The following SCARB2 variants were observed in gnomAD, a reference collection of about 807,000 sequenced individuals.
The protein encoded by SCARB2 is scavenger receptor class B member 2, also known as lysosome membrane protein 2.
SCARB2 carries 29 observed loss-of-function variants against 58.6 expected under a neutral mutation model. The ratio of observed to expected loss-of-function variants is 0.49; its 90% CI spans 0.37 to 0.67. The LOEUF (loss-of-function observed/expected upper bound fraction) is 0.67, where lower values mean the gene tolerates loss of function less well. SCARB2 is among the 30% of genes least tolerant of loss of function. SCARB2 has a pLI of 0.00. For synonymous variants in SCARB2, 195 were observed against 210.1 expected (o/e 0.93, Z 0.62); for missense variants, 488 against 578.5 (o/e 0.84, Z 1.60).
chr4:76,166,409 T>A (rs536397861), intron 9 of SCARB2, 108 bp from the exon 10 acceptor site: 1 of 1,183,790 alleles, frequency 8.4e-7, no homozygotes, highest in East Asian at 2.3e-5. Context: ...ATTTCTTAAA[T>A]TACCCAGAAT....
chr4:76,228,645 A>G (rs1159227671), intron 1 of SCARB2, among the ~76,000 whole-genome samples: 1 of 152,106 alleles, frequency 6.6e-6, no homozygotes, highest in Non-Finnish European at 1.5e-5. Flanking sequence ...TTGGCTGCCA[A>G]TTATTTTGCT....
Position 76,213,620 on chromosome 4 carries a change from A to T in SCARB2, c.-77T>A. On this transcript the variant is annotated 5_prime_UTR_variant, in exon 1 of 12. Transcript: ENST00000264896. ...TGCAAGGAGGGAGGAGCCGCCGCAG[A>T]GGCGTCGAAGACCCGGGACCCTTCG... 1.7e-6 allele frequency: 2 copies of T among 1,201,920 alleles called. No individual in the cohort carries two copies. Among genetic ancestry groups the T allele is most frequent in the Middle Eastern group, 2.4e-4 (1 of 4,214 alleles). 74.5% of individuals were successfully genotyped at this position (1,201,920 alleles called of 1,614,324 possible).
chr4:76,160,825 A>G lies in SCARB2; in HGVS notation c.*888T>C, dbSNP rs1329734596. The G allele has an allele frequency of 3.9e-5, 6 of 152,148 alleles. No homozygotes were observed. Among genetic ancestry groups the G allele is most frequent in the Non-Finnish European group, 8.8e-5 (6 of 68,034 alleles). 9.4% of individuals were successfully genotyped at this position (152,148 alleles called of 1,614,324 possible). A position where few individuals can be genotyped will look rare whatever the true frequency, so the allele number is the denominator to read the frequency against. ...ATATTAGATTAATTAATACAGTAAC[A>G]TATTTGGCAAGGGCGACTCAGGAAG... On this transcript the variant is annotated 3_prime_UTR_variant, in exon 12 of 12. Coordinates refer to ENST00000264896, the MANE Select transcript of SCARB2 (RefSeq NM_005506.4).
At chr4:76,185,349 A>G (rs1732464345) in intron 2 of SCARB2, among the ~76,000 whole-genome samples, 1 of 152,260 alleles carries the variant, frequency 6.6e-6, no homozygotes, top group South Asian at 2.1e-4. Flanking sequence ...TTGAAAAAAC[A>G]AAACAAAAAC....
intron 2 of SCARB2, among the ~76,000 whole-genome samples, chr4:76,191,596 A>G (rs1048160658): frequency 2.0e-5 from 3 of 152,070 alleles, no homozygotes; most frequent in African/African-American, 7.2e-5. Flanking sequence ...AGGCCTCCCC[A>G]GAAGCCAAGC....
At chr4:76,220,895 C>T (rs563499947) in intron 1 of SCARB2, among the ~76,000 whole-genome samples, 4 of 152,258 alleles carry the variant, frequency 2.6e-5, no homozygotes, top group East Asian at 3.9e-4. Context: ...CAGCTGGGAC[C>T]ACAGGGGTTT....
intron 7 of SCARB2, among the ~76,000 whole-genome samples, chr4:76,170,969 T>C (rs1008820164): frequency 7.5e-6 from 1 of 133,916 alleles, no homozygotes; most frequent in African/African-American, 3.1e-5. Flanking sequence ...TATATATATA[T>C]ATAACCAAAT....
In SCARB2 at chr4:76,181,116, A is replaced by G. The variant is rs1398089274; in HGVS notation, c.276-15T>C. On this transcript the variant is annotated splice_polypyrimidine_tract_variant and intron_variant, in intron 2 of 11. Coordinates refer to ENST00000264896, the MANE Select transcript of SCARB2 (RefSeq NM_005506.4). ...TTCTGAGTTCCCTAAAAGAAAGAAA[A>G]GGGTTTTATTTGAAAATAGACACCA... The G allele has an allele frequency of 6.2e-7, 1 of 1,612,052 alleles. No homozygotes were observed. The highest frequency in any genetic ancestry group is 1.7e-5 in the Admixed American group (1 of 59,968).
intron 2 of SCARB2, among the ~76,000 whole-genome samples, chr4:76,181,581 T>C (rs557459897): frequency 6.6e-6 from 1 of 152,312 alleles, no homozygotes; most frequent in South Asian, 2.1e-4. Flanking sequence ...GTTTCTTTTT[T>C]TGAGATAGGG....
chr4:76,232,929 T>G (rs1392770507), intron 1 of SCARB2, among the ~76,000 whole-genome samples: 1 of 152,176 alleles, frequency 6.6e-6, no homozygotes, highest in Non-Finnish European at 1.5e-5. Context: ...CCTTTTGAAT[T>G]TAGTTAACAT....
chr4:76,214,309 G>A, upstream of SCARB2: 1 of 456,144 alleles, frequency 2.2e-6, no homozygotes, highest in Non-Finnish European at 4.4e-6. Context: ...GATGACCTAG[G>A]GCCCCACATT....
chr4:76,179,109 A>G (rs1469634468), intron 4 of SCARB2: 1 of 220,076 alleles, frequency 4.5e-6, no homozygotes, highest in Non-Finnish European at 9.2e-6. Flanking sequence ...GCTGGAGTAC[A>G]GTGGTGTAAT....
In SCARB2 at chr4:76,176,526, T is replaced by C; in HGVS notation, c.615A>G (p.Lys205=). 6.3e-7 allele frequency: 1 copy of C among 1,598,854 alleles called. No individual in the cohort carries two copies. Among genetic ancestry groups the C allele is most frequent in the Non-Finnish European group, 8.6e-7 (1 of 1,167,282 alleles). ...CATAGTCTCCATCATTAGTCCCATT[T>C]TTCTGAAAATATGTGAATATGATCA... The part of the protein sequence containing the change: ...ISPYFGLFYE[K]NGTNDGDYVF... The change falls in exon 5 of 12, where the codon AAA becomes AAG. Residue 205 remains lysine, a splice_region_variant and synonymous_variant. Transcript: ENST00000264896.
intron 1 of SCARB2, among the ~76,000 whole-genome samples, chr4:76,221,401 C>T (rs1234887995): frequency 1.3e-5 from 2 of 152,176 alleles, no homozygotes; most frequent in Non-Finnish European, 2.9e-5. Context: ...TCACTGCAAC[C>T]TCTGCCTCCT....
intron 1 of SCARB2, among the ~76,000 whole-genome samples, chr4:76,229,476 C>T (rs930672947): frequency 2.0e-5 from 3 of 152,142 alleles, no homozygotes; most frequent in African/African-American, 7.2e-5. Context: ...TAGACTGTTT[C>T]AGTGGAAAAA....
At chr4:76,174,513 AG>A (rs1406743394) in intron 6 of SCARB2, 200 bp from the exon 7 acceptor site, 2 of 585,340 alleles carry the variant, frequency 3.4e-6, no homozygotes, top group Non-Finnish European at 6.1e-6. Context: ...TGTTTATTGT[AG>A]CAACGGTGAT....
In SCARB2 at chr4:76,160,186, C is replaced by G. The variant is rs1211018376; in HGVS notation, c.*1527G>C. 6.6e-6 allele frequency: 1 copy of G among 152,050 alleles called. No homozygotes were observed. The highest frequency in any genetic ancestry group is 1.5e-5 in the Non-Finnish European group (1 of 68,000). The allele number at this position is 152,050 out of a possible 1,614,324, so 9.4% of individuals were successfully genotyped here. A position where few individuals can be genotyped will look rare whatever the true frequency, so the allele number is the denominator to read the frequency against. ...AGTAAAACAATTTATTACCTCAATA[C>G]AGGGATAAGAAGCTATGGAAATGAA... On this transcript the variant is annotated 3_prime_UTR_variant, in exon 12 of 12. Coordinates refer to ENST00000264896, the MANE Select transcript of SCARB2 (RefSeq NM_005506.4).
At chr4:76,198,095 TCTCGA>T (rs1732751805) in intron 1 of SCARB2, among the ~76,000 whole-genome samples, 2 of 152,254 alleles carry the variant, frequency 1.3e-5, no homozygotes, top group South Asian at 4.2e-4. Flanking sequence ...CCGCCCCCAC[TCTCGA>T]CTCCACCGCA....
chr4:76,198,031 G>A (rs147492525), intron 1 of SCARB2, among the ~76,000 whole-genome samples: 1 of 152,230 alleles, frequency 6.6e-6, no homozygotes, highest in Admixed American at 6.5e-5. Flanking sequence ...AAACAAAGGC[G>A]AGCCTGATGC....
Sources: gnomAD v4.1 joint callset for allele counts (sites outside exome capture counted in the v4.1 genomes callset) on GRCh38, gnomAD v4.1.1 for gene constraint, MANE v1.5 for transcripts, NCBI Gene and HGNC (gene_info 2026-07-23, HGNC 2026-07-21) for gene names.